The following PDE7B variants were observed in gnomAD, a reference collection of about 807,000 sequenced individuals.
PDE7B encodes the protein 3',5'-cyclic-AMP phosphodiesterase 7B.
Under a neutral mutation model 56.2 loss-of-function variants are expected in PDE7B, and 29 were observed. The observed-to-expected ratio is 0.52, with a 90% CI of 0.38 to 0.70. PDE7B has a LOEUF of 0.70. Among genes scored for constraint, PDE7B ranks in the 30% least tolerant of loss-of-function variants. PDE7B has a pLI of 0.00. For synonymous variants in PDE7B, 197 were observed against 196.9 expected (o/e 1.00, Z 0.00); for missense variants, 490 against 565.0 (o/e 0.87, Z 1.35).
intron 12 of PDE7B, among the ~76,000 whole-genome samples, chr6:136,189,868 A>AG (rs1779194440): frequency 6.6e-6 from 1 of 152,124 alleles, no homozygotes; most frequent in African/African-American, 2.4e-5. Flanking sequence ...TAATTTGAAA[A>AG]ACTGCCTCTT....
intron 1 of PDE7B, among the ~76,000 whole-genome samples, chr6:135,925,809 G>C (rs1287164098): frequency 2.0e-5 from 3 of 151,706 alleles, no homozygotes; most frequent in Non-Finnish European, 3.0e-5. Flanking sequence ...GCACTAGCCT[G>C]ACTATTTTTT....
rs1194265489 is a variant in PDE7B at position 136,038,193 on chromosome 6, G to GCAGCAGCAGCAGAAGCAGAAA, written c.83-70525_83-70505dup. On this transcript the variant is annotated intron_variant, in intron 2 of 12. Transcript: ENST00000308191. ...AAGAATTTCCCCTGTGGTAGCAGCA[G>GCAGCAGCAGCAGAAGCAGAAA]CAGCAGCAGCAGAAGCAGAAACAGC... is the stretch of plus-strand genomic sequence containing the variant. 4 of 1,298,738 alleles carry GCAGCAGCAGCAGAAGCAGAAA rather than the reference G, an allele frequency of 3.1e-6. 1 individual carries two copies. The South Asian group carries it at 3.7e-5, about 12-fold the overall frequency. The allele number at this position is 1,298,738 out of a possible 1,614,324, so 80.5% of individuals were successfully genotyped here.
intron 1 of PDE7B, among the ~76,000 whole-genome samples, chr6:135,912,952 C>T (rs1260801803): frequency 6.6e-6 from 1 of 152,050 alleles, no homozygotes; most frequent in Non-Finnish European, 1.5e-5. Flanking sequence ...TTCCAGCACT[C>T]AGGACTTTCA....
chr6:135,872,928 A>T (rs1188133206), intron 1 of PDE7B, among the ~76,000 whole-genome samples: 1 of 152,144 alleles, frequency 6.6e-6, no homozygotes, highest in African/African-American at 2.4e-5. Context: ...CCACATCCAA[A>T]TCTTTCTCTT....
At chr6:136,122,280 C>A (rs912229546) in intron 3 of PDE7B, among the ~76,000 whole-genome samples, 1 of 152,204 alleles carries the variant, frequency 6.6e-6, no homozygotes, top group African/African-American at 2.4e-5. Flanking sequence ...CAGGCGTGAG[C>A]CACCACGCCC....
intron 2 of PDE7B, among the ~76,000 whole-genome samples, chr6:136,019,613 C>G (rs1447678833): frequency 6.6e-6 from 1 of 152,164 alleles, no homozygotes; most frequent in African/African-American, 2.4e-5. Flanking sequence ...TTAGGAGAAC[C>G]AGCCTCTGCA....
At chr6:135,878,869 G>T (rs1222177151) in intron 1 of PDE7B, among the ~76,000 whole-genome samples, 2 of 152,064 alleles carry the variant, frequency 1.3e-5, no homozygotes, top group African/African-American at 4.8e-5. Flanking sequence ...CCTGACAATT[G>T]ATATTCACAT....
chr6:135,916,389 TTTC>T (rs1295044158), intron 1 of PDE7B, among the ~76,000 whole-genome samples: 22 of 104,372 alleles, frequency 2.1e-4, no homozygotes, highest in African/African-American at 1.2e-3. Flanking sequence ...TTTTCTTTTC[TTTC>T]TTTTTTTTTT....
chr6:135,939,418 C>T (rs965075294), intron 1 of PDE7B, among the ~76,000 whole-genome samples: 3 of 152,156 alleles, frequency 2.0e-5, no homozygotes, highest in Non-Finnish European at 4.4e-5. Flanking sequence ...TTGTTGAAAA[C>T]TTATTAGTCT....
chr6:136,026,470 C>T (rs1187243482), intron 2 of PDE7B, among the ~76,000 whole-genome samples: 1 of 152,172 alleles, frequency 6.6e-6, no homozygotes. Flanking sequence ...GAAAAAGGTG[C>T]TGGGGTGTGG....
chr6:136,148,469 G>GC (rs10658614), intron 4 of PDE7B, among the ~76,000 whole-genome samples: 47,912 of 137,912 alleles, frequency 0.35, 9,062 homozygotes, highest in East Asian at 0.49. Flanking sequence ...GGGAAGGAAG[G>GC]AAGGCAGGCA....
At chr6:135,918,456 C>G (rs1276018841) in intron 1 of PDE7B, among the ~76,000 whole-genome samples, 3 of 152,156 alleles carry the variant, frequency 2.0e-5, no homozygotes, top group Non-Finnish European at 4.4e-5. Flanking sequence ...GTATACTAGG[C>G]CTAAGACATT....
intron 1 of PDE7B, among the ~76,000 whole-genome samples, chr6:135,934,239 T>C (rs1240332683): frequency 6.6e-6 from 1 of 152,196 alleles, no homozygotes; most frequent in Non-Finnish European, 1.5e-5. Context: ...AAGTGACCTT[T>C]ATATAATTTT....
chr6:136,121,288 T>C (rs1480442478), intron 3 of PDE7B, among the ~76,000 whole-genome samples: 2 of 152,202 alleles, frequency 1.3e-5, no homozygotes, highest in African/African-American at 4.8e-5. Context: ...ATTAGGCAAG[T>C]AGAAGCCCAG....
chr6:136,035,790 C>A (rs1776316854), intron 2 of PDE7B, among the ~76,000 whole-genome samples: 1 of 151,972 alleles, frequency 6.6e-6, no homozygotes, highest in Non-Finnish European at 1.5e-5. Flanking sequence ...ACAGAGGATA[C>A]AATGGAAATG....
chr6:136,108,737 T>C lies in PDE7B; in HGVS notation c.89T>C (p.Ile30Thr), dbSNP rs1054707702. The C allele has an allele frequency of 6.2e-7, 1 of 1,604,726 alleles. No individual in the cohort carries two copies. The highest frequency in any genetic ancestry group is 8.5e-7 in the Non-Finnish European group (1 of 1,171,522). ...NAKCVCMLGD[I>T]RLRGQTGVRA... ...TGGATTTTCTGTTTTCTAGGAGATATACGACTAAGGGGTCAGACGGGGGTT... is the reference window on the plus strand; with the variant it reads ...TGGATTTTCTGTTTTCTAGGAGATACACGACTAAGGGGTCAGACGGGGGTT... Residue 30 changes from isoleucine to threonine, a missense_variant, in exon 3 of 13, where the codon ATA becomes ACA. Physicochemically the swap from Ile to Thr is moderately conservative, Grantham distance 89 (BLOSUM62 -1). Coordinates refer to ENST00000308191, the MANE Select transcript of PDE7B (RefSeq NM_018945.4).
chr6:135,920,655 C>T (rs546084831), intron 1 of PDE7B, among the ~76,000 whole-genome samples: 2 of 152,270 alleles, frequency 1.3e-5, no homozygotes, highest in African/African-American at 4.8e-5. Context: ...GTTATCAACC[C>T]ACAGAAAAAT....
chr6:135,976,561 G>A (rs2128203677), intron 2 of PDE7B, among the ~76,000 whole-genome samples: 1 of 152,236 alleles, frequency 6.6e-6, no homozygotes, highest in African/African-American at 2.4e-5. Flanking sequence ...GAATTCATTT[G>A]TTATACCTCT....
chr6:136,179,603 A>G lies in PDE7B; in HGVS notation c.948+462A>G, dbSNP rs9483912. Reference sequence around the variant, plus strand: ...ATCCCGCTGGATGCAGTAAAGGTCTACCGCATTTGGTGGCTTGGTATAAAA... The same window carrying G: ...ATCCCGCTGGATGCAGTAAAGGTCTGCCGCATTTGGTGGCTTGGTATAAAA... On this transcript the variant is annotated intron_variant, in intron 10 of 12. Transcript: ENST00000308191. 6.4e-4 allele frequency among the ~76,000 whole-genome samples: 98 copies of G among 152,226 alleles called. 1 individual carries two copies. Among genetic ancestry groups the G allele is most frequent in the African/African-American group, 2.2e-3 (91 of 41,446 alleles).
Sources: gnomAD v4.1 joint callset for allele counts (sites outside exome capture counted in the v4.1 genomes callset) on GRCh38, gnomAD v4.1.1 for gene constraint, MANE v1.5 for transcripts, NCBI Gene and HGNC (gene_info 2026-07-23, HGNC 2026-07-21) for gene names.